The following CFAP20DC variants were observed in gnomAD, a reference collection of about 807,000 sequenced individuals.
CFAP20DC encodes protein CFAP20DC.
Under a neutral mutation model 101.7 loss-of-function variants are expected in CFAP20DC, and 84 were observed. The ratio of observed to expected loss-of-function variants is 0.83; its 90% CI spans 0.69 to 0.99. The LOEUF (loss-of-function observed/expected upper bound fraction) is 0.99. Among genes scored for constraint, CFAP20DC ranks in the 50% least tolerant of loss-of-function variants. The probability of loss-of-function intolerance (pLI) is 0.00; values close to 1 mark genes in which losing one functional copy is unlikely to be tolerated. For synonymous variants in CFAP20DC, 359 were observed against 351.2 expected, an observed-to-expected ratio of 1.02 and a Z score of -0.25; for missense variants, 1,007 against 970.3, an observed-to-expected ratio of 1.04 and a Z score of -0.50.
chr3:59,023,231 G>C (rs751877024), intron 4 of CFAP20DC, among the ~76,000 whole-genome samples: 1 of 150,958 alleles, frequency 6.6e-6, no homozygotes, highest in Non-Finnish European at 1.5e-5. Flanking sequence ...ACACATTTCA[G>C]TACAATACAA....
At chr3:58,748,582 G>A (rs2068362266) in intron 16 of CFAP20DC, among the ~76,000 whole-genome samples, 1 of 152,154 alleles carries the variant, frequency 6.6e-6, no homozygotes, top group Non-Finnish European at 1.5e-5. Context: ...CCTACTCACA[G>A]GGGAAGGGGC....
chr3:58,949,171 C>G (rs1311460009), intron 4 of CFAP20DC, among the ~76,000 whole-genome samples: 2 of 151,874 alleles, frequency 1.3e-5, no homozygotes, highest in Non-Finnish European at 2.9e-5. Flanking sequence ...CTATTTGATT[C>G]TTCTCTCTTC....
At chr3:58,992,463 T>A in intron 4 of CFAP20DC, 2 of 584,476 alleles carry the variant, frequency 3.4e-6, no homozygotes, top group Non-Finnish European at 4.3e-6. Context: ...GAATGACATA[T>A]TGGTCAGAAA....
chr3:58,813,558 G>T (rs1253484069), intron 14 of CFAP20DC, among the ~76,000 whole-genome samples: 2 of 151,830 alleles, frequency 1.3e-5, no homozygotes, highest in African/African-American at 4.9e-5. Flanking sequence ...CGTAGCCATG[G>T]TGCCTGTATA....
chr3:58,987,067 C>A (rs1341906039), intron 4 of CFAP20DC, among the ~76,000 whole-genome samples: 1 of 151,960 alleles, frequency 6.6e-6, no homozygotes, highest in Non-Finnish European at 1.5e-5. Context: ...AAAGGACCTG[C>A]AAACAACATA....
At chr3:58,938,603 C>T (rs2088050208) in intron 4 of CFAP20DC, among the ~76,000 whole-genome samples, 1 of 152,130 alleles carries the variant, frequency 6.6e-6, no homozygotes. Flanking sequence ...ATTTAGTAAT[C>T]CCCAAGAAGA....
chr3:58,912,824 A>T lies in CFAP20DC; in HGVS notation c.550+884T>A. On this transcript the variant is annotated intron_variant, in intron 6 of 16. Transcript: ENST00000482387. This position sits in a 1 kb window ranked among gnomAD's most constrained non-coding sequence, Gnocchi z 4.4. ...TCTCTAGAAATATGAGGAAGAACTC[A>T]ACTCTTTCCATTTTAACTTGATCAC... 2.3e-6 allele frequency: 1 copy of T among 431,748 alleles called. No individual in the cohort carries two copies. The highest frequency in any genetic ancestry group is 4.6e-6 in the Non-Finnish European group (1 of 219,490). 26.7% of individuals were successfully genotyped at this position (431,748 alleles called of 1,614,324 possible). A position where few individuals can be genotyped will look rare whatever the true frequency, so the allele number is the denominator to read the frequency against.
rs2067911855 is a variant in CFAP20DC, at chr3:58,742,198, G to C, written c.*262C>G. The C allele has an allele frequency of 2.0e-6, 2 of 978,662 alleles. No homozygotes were observed. The highest frequency in any genetic ancestry group is 3.4e-5 in the African/African-American group (2 of 58,250). The allele number at this position is 978,662 out of a possible 1,614,324, so 60.6% of individuals were successfully genotyped here. A position where few individuals can be genotyped will look rare whatever the true frequency, so the allele number is the denominator to read the frequency against. ...TCTGAAATAAACAAAATTATATGTA[G>C]AATGAGAACAAACAAGAACCAATTC... is the stretch of plus-strand genomic sequence containing the variant. On this transcript the variant is annotated 3_prime_UTR_variant, in exon 17 of 17. Transcript: ENST00000482387.
chr3:59,023,906 C>T (rs2093848180), intron 4 of CFAP20DC, among the ~76,000 whole-genome samples: 2 of 152,024 alleles, frequency 1.3e-5, no homozygotes. Flanking sequence ...CAATGGCATC[C>T]TCTATTTACG....
intron 7 of CFAP20DC, among the ~76,000 whole-genome samples, chr3:58,871,902 A>C (rs12632172): frequency 0.067 from 10,191 of 152,100 alleles, 622 homozygotes; most frequent in East Asian, 0.35. Flanking sequence ...TCCCAGCAGA[A>C]TCCCCCATGC....
chr3:58,827,449 A>G (rs1467353002), intron 14 of CFAP20DC, among the ~76,000 whole-genome samples: 1 of 151,612 alleles, frequency 6.6e-6, no homozygotes, highest in Non-Finnish European at 1.5e-5. Flanking sequence ...GAGACAAGCA[A>G]AACTCATTTC....
intron 3 of CFAP20DC, among the ~76,000 whole-genome samples, chr3:58,719,735 G>C (rs2067444861): frequency 6.6e-6 from 1 of 152,234 alleles, no homozygotes; most frequent in Non-Finnish European, 1.5e-5. Context: ...CAAAGAGCCA[G>C]CTCAGGCTTC....
intron 6 of CFAP20DC, 23 bp from the exon 7 acceptor site, chr3:58,884,732 A>G (rs1450775252): frequency 6.3e-7 from 1 of 1,583,874 alleles, no homozygotes; most frequent in Admixed American, 1.8e-5. Flanking sequence ...ACAAACATTC[A>G]TTTTCAAAAT....
At chr3:58,935,887 C>T (rs1338431346) in intron 5 of CFAP20DC, among the ~76,000 whole-genome samples, 2 of 152,140 alleles carry the variant, frequency 1.3e-5, no homozygotes, top group African/African-American at 4.8e-5. Flanking sequence ...TCTGAAACAC[C>T]AAAAGCAATG....
intron 15 of CFAP20DC, among the ~76,000 whole-genome samples, chr3:58,757,177 C>T (rs982743691): frequency 4.6e-5 from 7 of 151,676 alleles, no homozygotes; most frequent in African/African-American, 1.7e-4. Flanking sequence ...TCATTCTCAC[C>T]AGCAATGTAT....
At chr3:58,828,347 G>A (rs539897723) in intron 14 of CFAP20DC, among the ~76,000 whole-genome samples, 20 of 152,280 alleles carry the variant, frequency 1.3e-4, no homozygotes, top group Middle Eastern at 3.4e-3. Flanking sequence ...GATCTCAACC[G>A]TGGAAATTTG....
chr3:59,023,563 G>A (rs1179915126), intron 4 of CFAP20DC, among the ~76,000 whole-genome samples: 3 of 152,036 alleles, frequency 2.0e-5, no homozygotes, highest in Non-Finnish European at 4.4e-5. Context: ...AGGAGGAGGA[G>A]TGGAATGAAT....
rs1450753587 is a variant in CFAP20DC at position 58,732,668 on chromosome 3, G to GGTTTATAACAC, written c.198-15051_198-15041dup. Among the ~76,000 whole-genome samples, 1 of 152,150 alleles carries GGTTTATAACAC rather than the reference G, an allele frequency of 6.6e-6. No individual in the cohort carries two copies. Among genetic ancestry groups the GGTTTATAACAC allele is most frequent in the African/African-American group, 2.4e-5 (1 of 41,432 alleles). ...AGAAAAACTGCTTCTCACTCTAATG[G>GGTTTATAACAC]GTTTATAACACCCAACGTGGCACGA... On this transcript the variant is annotated intron_variant, in intron 3 of 3. Transcript: ENST00000486145. This position sits in a 1 kb window ranked among gnomAD's most constrained non-coding sequence, Gnocchi z 5.4.
intron 5 of CFAP20DC, among the ~76,000 whole-genome samples, chr3:58,934,363 T>C (rs2087205648): frequency 6.6e-6 from 1 of 152,180 alleles, no homozygotes; most frequent in South Asian, 2.1e-4. Flanking sequence ...ACTGGTACCA[T>C]TCCTTCTGAA....
Sources: allele counts gnomAD v4.1 joint callset (sites outside exome capture counted in the v4.1 genomes callset), GRCh38; gene constraint gnomAD v4.1.1; non-coding constraint Gnocchi (gnomAD v3.1); transcripts MANE v1.5; gene names NCBI Gene and HGNC (gene_info 2026-07-23, HGNC 2026-07-21).